The following TSNARE1 variants were observed in gnomAD, a reference collection of about 807,000 sequenced individuals.
TSNARE1 encodes the protein t-SNARE domain-containing protein 1.
Under a neutral mutation model 62.0 loss-of-function variants are expected in TSNARE1, and 49 were observed. The ratio of observed to expected loss-of-function variants is 0.79; its 90% CI spans 0.63 to 1.00. The LOEUF (loss-of-function observed/expected upper bound fraction) is 1.00, where lower values mean the gene tolerates loss of function less well. TSNARE1 is among the 50% of genes least tolerant of loss of function. The probability of loss-of-function intolerance (pLI) is 0.00; values close to 1 mark genes in which losing one functional copy is unlikely to be tolerated. For missense variants in TSNARE1, 755 were observed against 700.1 expected (o/e 1.08, Z -0.88); for synonymous variants, 328 against 294.4 (o/e 1.11, Z -1.17).
intron 1 of TSNARE1, among the ~76,000 whole-genome samples, chr8:142,374,324 A>C (rs901946976): frequency 6.9e-6 from 1 of 143,976 alleles, no homozygotes; most frequent in Non-Finnish European, 1.5e-5. Context: ...AAAGAAAAAG[A>C]AAAAAAAAAA....
intron 13 of TSNARE1, among the ~76,000 whole-genome samples, chr8:142,223,122 T>TCATC (rs1247836744): frequency 1.8e-4 from 4 of 22,718 alleles, no homozygotes; most frequent in East Asian, 2.0e-3. Context: ...GTTCACTCAT[T>TCATC]CACTCATTCA....
chr8:142,270,146 C>T (rs1189966845), intron 12 of TSNARE1: 8 of 985,330 alleles, frequency 8.1e-6, no homozygotes, highest in Middle Eastern at 5.2e-4. Flanking sequence ...TGCTCGCTCC[C>T]GACGGCTGCC....
At chr8:142,393,709 G>A (rs1396233174) in intron 1 of TSNARE1, among the ~76,000 whole-genome samples, 2 of 152,190 alleles carry the variant, frequency 1.3e-5, no homozygotes, top group Non-Finnish European at 2.9e-5. Flanking sequence ...GAGGTGAAGT[G>A]TCACACAGCC....
rs549057168 is a variant in TSNARE1, at chr8:142,315,880, C to T, written c.985-788G>A. 5.9e-5 allele frequency among the ~76,000 whole-genome samples: 9 copies of T among 152,330 alleles called. No individual in the cohort carries two copies. The South Asian group carries it at 6.2e-4, about 11-fold the overall frequency. On this transcript the variant is annotated intron_variant, in intron 7 of 13. Coordinates refer to ENST00000524325, the MANE Select transcript of TSNARE1 (RefSeq NM_145003.5). Reference sequence around the variant, plus strand: ...CACAGCCTTGACCTCTTCCCACAATCGAAGGCACTACATCTCATCAAAGCG... The same window carrying T: ...CACAGCCTTGACCTCTTCCCACAATTGAAGGCACTACATCTCATCAAAGCG...
At chr8:142,258,130 C>T (rs941305890) in intron 12 of TSNARE1, among the ~76,000 whole-genome samples, 15 of 152,272 alleles carry the variant, frequency 9.9e-5, no homozygotes, top group South Asian at 2.1e-4. Flanking sequence ...AAGGCACACG[C>T]GAAGGCACAC....
At chr8:142,307,416 G>A (rs1826873484) in intron 9 of TSNARE1, among the ~76,000 whole-genome samples, 1 of 152,222 alleles carries the variant, frequency 6.6e-6, no homozygotes, top group Non-Finnish European at 1.5e-5. Flanking sequence ...CCACGGGGGA[G>A]TGGCCGAGGA....
chr8:142,300,594 G>A lies in TSNARE1; in HGVS notation c.1182C>T (p.Asn394=), dbSNP rs116871603. The change falls in exon 10 of 14, where the codon AAC becomes AAT. Residue 394 remains asparagine (N), a synonymous_variant. Transcript: ENST00000524325. Reference sequence around the variant, plus strand: ...GGCCCTGCCACATGTTGTCACTCCCGTTAAAGACCTTCTCATCATCAGCCA... The same window carrying A: ...GGCCCTGCCACATGTTGTCACTCCCATTAAAGACCTTCTCATCATCAGCCA... ...AELADDEKVF[N]GSDNMWQGQE... 4.7e-4 allele frequency: 765 copies of A among 1,613,650 alleles called. No homozygotes were observed. Among genetic ancestry groups the A allele is most frequent in the Non-Finnish European group, 6.0e-4 (703 of 1,179,996 alleles).
intron 13 of TSNARE1, among the ~76,000 whole-genome samples, chr8:142,228,469 C>T (rs1816940576): frequency 2.0e-5 from 3 of 152,226 alleles, no homozygotes; most frequent in Admixed American, 2.0e-4. Context: ...GCTGGTGAAG[C>T]TTCCTGATGA....
At chr8:142,275,722 A>G (rs1820364212) in intron 11 of TSNARE1, 1 of 985,336 alleles carries the variant, frequency 1.0e-6, no homozygotes, top group African/African-American at 1.7e-5. Context: ...GGGAGGCAGG[A>G]GTATCTAAAC....
intron 13 of TSNARE1, among the ~76,000 whole-genome samples, chr8:142,226,016 G>C (rs1486347633): frequency 2.0e-5 from 3 of 152,174 alleles, no homozygotes; most frequent in Non-Finnish European, 4.4e-5. Flanking sequence ...GGGTGCTTCT[G>C]TGTCCTCTCT....
At chr8:142,270,095 C>A (rs1819385242) in intron 12 of TSNARE1, 1 of 985,438 alleles carries the variant, frequency 1.0e-6, no homozygotes, top group African/African-American at 1.7e-5. Flanking sequence ...GGCAGAGGCC[C>A]CAGACTAGCC....
At chr8:142,262,653 G>A (rs1818954185) in intron 12 of TSNARE1, among the ~76,000 whole-genome samples, 1 of 152,022 alleles carries the variant, frequency 6.6e-6, no homozygotes, top group African/African-American at 2.4e-5. Context: ...ACAAGATCTG[G>A]TTGTTTAAAA....
rs1217578516 is a variant in TSNARE1 at position 142,291,967 on chromosome 8, C to G, written c.1291-7482G>C. On this transcript the variant is annotated intron_variant, in intron 10 of 13. Coordinates refer to ENST00000524325, the MANE Select transcript of TSNARE1 (RefSeq NM_145003.5). This position sits in a 1 kb window ranked among gnomAD's most constrained non-coding sequence, Gnocchi z 4.8. ...GACGGTCACAGCAACGCACGCCCCC[C>G]CCGGCCCCCCACCTGTTTCAAGCAG... Among the ~76,000 whole-genome samples, 5 of 151,878 alleles carry G rather than the reference C, an allele frequency of 3.3e-5. No individual in the cohort carries two copies. The highest frequency in any genetic ancestry group is 5.9e-5 in the Non-Finnish European group (4 of 67,978).
chr8:142,278,254 T>C (rs1820823537), intron 11 of TSNARE1: 1 of 985,280 alleles, frequency 1.0e-6, no homozygotes, highest in Non-Finnish European at 1.2e-6. Flanking sequence ...TCCGGCCCAC[T>C]CTGCCCATGG....
At chr8:142,322,879 T>C (rs1829680689) in intron 6 of TSNARE1, among the ~76,000 whole-genome samples, 1 of 151,764 alleles carries the variant, frequency 6.6e-6, no homozygotes, top group South Asian at 2.1e-4. Flanking sequence ...ATGACGATAT[T>C]GTTATGAAAG....
intron 11 of TSNARE1, chr8:142,280,136 A>G: frequency 9.1e-7 from 1 of 1,099,566 alleles, no homozygotes; most frequent in Non-Finnish European, 1.1e-6. Context: ...AGCAGCGGGT[A>G]GTGGCGCCGC....
Position 142,314,418 on chromosome 8 carries a change from G to C in TSNARE1, c.1097C>G (p.Ala366Gly). 6.2e-7 allele frequency: 1 copy of C among 1,614,002 alleles called. No individual in the cohort carries two copies. Among genetic ancestry groups the C allele is most frequent in the Non-Finnish European group, 8.5e-7 (1 of 1,179,956 alleles). Residue 366 changes from alanine to glycine, a missense_variant, in exon 9 of 14, where the codon GCG (alanine) becomes GGG (glycine). Transcript: ENST00000524325. ...VQKKIAEKSR[A>G]LLPMAQRGSK... is the part of the protein sequence containing the mutation. ...GCCCCTCTGCGCCATGGGAAGCAGC[G>C]CTCTGGACTTTTCTGCAATTTTCTG...
At chr8:142,285,726 G>T (rs1425772321) in intron 10 of TSNARE1, among the ~76,000 whole-genome samples, 5 of 152,126 alleles carry the variant, frequency 3.3e-5, no homozygotes, top group Non-Finnish European at 7.4e-5. Flanking sequence ...CAGAAACGTG[G>T]GCCAGGAGGA....
rs754424587 is a variant in TSNARE1 at position 142,344,122 on chromosome 8, G to A, written c.589C>T (p.Arg197Cys). The A allele has an allele frequency of 1.3e-5, 21 of 1,612,064 alleles. 1 individual carries two copies. The highest frequency in any genetic ancestry group is 6.6e-5 in the South Asian group (6 of 90,998). Residue 197 changes from arginine (R) to cysteine (C), a missense_variant, in exon 4 of 14, where the codon CGC (arginine) becomes TGC (cysteine). Physicochemically the swap from Arg to Cys is radical, Grantham distance 180. Coordinates refer to ENST00000524325, the MANE Select transcript of TSNARE1 (RefSeq NM_145003.5). ...GCCTTCCGGAGGTCGCCCAGCTTGC[G>A]CCGCACGACGGCTCGTAGGTCCCGC... ...KWRDLRAVVR[R>C]KLGDLRKAAH...
Sources: gnomAD v4.1 joint callset for allele counts (sites outside exome capture counted in the v4.1 genomes callset) on GRCh38, gnomAD v4.1.1 for gene constraint, Gnocchi (gnomAD v3.1) non-coding constraint, MANE v1.5 for transcripts, NCBI Gene and HGNC (gene_info 2026-07-23, HGNC 2026-07-21) for gene names.